The following MAP2K1 variants were observed in gnomAD, a reference collection of about 807,000 sequenced individuals.
MAP2K1 encodes the protein mitogen-activated protein kinase kinase 1.
MAP2K1 carries 16 observed loss-of-function variants against 46.3 expected under a neutral mutation model. The ratio of observed to expected loss-of-function variants is 0.35; its 90% CI spans 0.23 to 0.52. The LOEUF (loss-of-function observed/expected upper bound fraction) is 0.52. Ranked by LOEUF, MAP2K1 falls within the 20% of genes least tolerant of loss-of-function variation. The pLI is 0.94. For synonymous variants in MAP2K1, 183 were observed against 185.6 expected, an observed-to-expected ratio of 0.99 and a Z score of 0.11; for missense variants, 263 against 497.1, an observed-to-expected ratio of 0.53 and a Z score of 4.48.
At chr15:66,410,202 A>G (rs1166415084) in intron 1 of MAP2K1, among the ~76,000 whole-genome samples, 1 of 152,242 alleles carries the variant, frequency 6.6e-6, no homozygotes, top group Non-Finnish European at 1.5e-5. Flanking sequence ...GGGAGAGTCT[A>G]TGGCATGTTC....
At chr15:66,470,703 G>A (rs905255237) in intron 5 of MAP2K1, among the ~76,000 whole-genome samples, 1 of 152,156 alleles carries the variant, frequency 6.6e-6, no homozygotes, top group African/African-American at 2.4e-5. Context: ...ACCAATAGGA[G>A]ATTTGTCAAA....
intron 1 of MAP2K1, among the ~76,000 whole-genome samples, chr15:66,388,025 G>C (rs2093346634): frequency 6.6e-6 from 1 of 152,220 alleles, no homozygotes; most frequent in African/African-American, 2.4e-5. Flanking sequence ...AATTGCTCAA[G>C]AAAGCGGCTT....
chr15:66,454,442 AATAC>A (rs1892112725), intron 5 of MAP2K1, among the ~76,000 whole-genome samples: 2 of 152,358 alleles, frequency 1.3e-5, no homozygotes, highest in Non-Finnish European at 2.9e-5. Context: ...CAGATTAATT[AATAC>A]ATACAAAGCA....
At chr15:66,420,849 ATATATGTG>A (rs2093438855) in intron 1 of MAP2K1, among the ~76,000 whole-genome samples, 1 of 125,592 alleles carries the variant, frequency 8.0e-6, no homozygotes, top group Non-Finnish European at 1.8e-5. Flanking sequence ...ATGTGTGTAT[ATATATGTG>A]TGTATATATA....
chr15:66,389,564 CTGT>C (rs959339925), intron 1 of MAP2K1, among the ~76,000 whole-genome samples: 2 of 139,740 alleles, frequency 1.4e-5, no homozygotes, highest in African/African-American at 5.3e-5. Context: ...AAGCCTAGCT[CTGT>C]TGTGGTTTTT....
At chr15:66,412,286 G>A (rs1363478040) in intron 1 of MAP2K1, among the ~76,000 whole-genome samples, 1 of 152,224 alleles carries the variant, frequency 6.6e-6, no homozygotes, top group South Asian at 2.1e-4. Context: ...CTGTGGGCTG[G>A]TAGACAGAAT....
intron 5 of MAP2K1, chr15:66,446,714 G>A: frequency 2.8e-6 from 1 of 363,418 alleles, no homozygotes; most frequent in Non-Finnish European, 5.8e-6. Context: ...AGAACTGCCT[G>A]CTCCCATTGG....
rs2140688749 is a variant in MAP2K1 at position 66,491,017 on chromosome 15, CTT to C, written c.*404_*405del. 2.4e-6 allele frequency: 1 copy of C among 423,072 alleles called. No homozygotes were observed. Among genetic ancestry groups the C allele is most frequent in the Non-Finnish European group, 4.4e-6 (1 of 226,900 alleles). The allele number at this position is 423,072 out of a possible 1,614,324, so 26.2% of individuals were successfully genotyped here. A position where few individuals can be genotyped will look rare whatever the true frequency, so the allele number is the denominator to read the frequency against. Reference sequence around the variant, plus strand: ...TGGTACTTTATTCTTGCTGGGCATACTTTCTCTCTAGGAGGGAGCCTTGTGAG... The same window carrying C: ...TGGTACTTTATTCTTGCTGGGCATACTCTCTCTAGGAGGGAGCCTTGTGAG... On this transcript the variant is annotated 3_prime_UTR_variant, in exon 11 of 11. Transcript: ENST00000307102.
intron 3 of MAP2K1, among the ~76,000 whole-genome samples, chr15:66,440,917 G>T (rs1345297609): frequency 6.6e-6 from 1 of 152,096 alleles, no homozygotes. Flanking sequence ...TTGAAGCTCT[G>T]TGGAGGTTAA....
intron 1 of MAP2K1, among the ~76,000 whole-genome samples, chr15:66,418,506 A>G (rs1436889515): frequency 6.6e-6 from 1 of 152,120 alleles, no homozygotes; most frequent in African/African-American, 2.4e-5. Flanking sequence ...GATAAAAGAT[A>G]TTTTTCTATA....
chr15:66,390,328 G>A (rs900041677), intron 1 of MAP2K1, among the ~76,000 whole-genome samples: 9 of 152,104 alleles, frequency 5.9e-5, no homozygotes, highest in Non-Finnish European at 1.0e-4. Context: ...CCCTATCTTG[G>A]GCTACCAGCA....
At chr15:66,407,420 C>T (rs978538343) in intron 1 of MAP2K1, among the ~76,000 whole-genome samples, 1 of 152,106 alleles carries the variant, frequency 6.6e-6, no homozygotes, top group Non-Finnish European at 1.5e-5. Context: ...AATAACAGTC[C>T]CTTGTGTAGA....
chr15:66,421,255 C>T (rs546571770), intron 1 of MAP2K1, among the ~76,000 whole-genome samples: 3 of 151,944 alleles, frequency 2.0e-5, no homozygotes, highest in African/African-American at 7.2e-5. Context: ...TCTGCCTTGG[C>T]CCCCCAAGTA....
chr15:66,489,507 G>C lies in MAP2K1; in HGVS notation c.1023-211G>C. The C allele has an allele frequency of 4.5e-6, 3 of 667,992 alleles. No homozygotes were observed. The South Asian group carries it at 5.2e-5, about 12-fold the overall frequency. The allele number at this position is 667,992 out of a possible 1,614,324, so 41.4% of individuals were successfully genotyped here. On this transcript the variant is annotated intron_variant, in intron 9 of 10. Transcript: ENST00000307102. ...TGCTCCTTTTGGTACTTGCTCTCCA[G>C]GGATTGGCACGTTGCTTTTTGACCT... is the stretch of plus-strand genomic sequence containing the variant.
At chr15:66,440,156 A>G (rs1479523813) in intron 3 of MAP2K1, among the ~76,000 whole-genome samples, 1 of 151,916 alleles carries the variant, frequency 6.6e-6, no homozygotes, top group Admixed American at 6.6e-5. Context: ...CAGTGGTGCA[A>G]TCTCAGCTCA....
chr15:66,395,198 A>G (rs1399833972), intron 1 of MAP2K1, among the ~76,000 whole-genome samples: 3 of 152,230 alleles, frequency 2.0e-5, no homozygotes, highest in African/African-American at 7.2e-5. Flanking sequence ...CCTATGCAGT[A>G]TATGCCTATG....
At chr15:66,471,184 T>C (rs569502872) in intron 5 of MAP2K1, among the ~76,000 whole-genome samples, 29 of 152,302 alleles carry the variant, frequency 1.9e-4, no homozygotes, top group Non-Finnish European at 3.2e-4. Flanking sequence ...GGCCCCAAGA[T>C]TTATTTTCCT....
chr15:66,437,411 A>C (rs1047583601), intron 3 of MAP2K1, among the ~76,000 whole-genome samples: 7 of 152,146 alleles, frequency 4.6e-5, no homozygotes, highest in African/African-American at 1.7e-4. Flanking sequence ...TTTTACCACT[A>C]TGTTCTTGGA....
At chr15:66,459,405 T>A (rs915576752) in intron 5 of MAP2K1, among the ~76,000 whole-genome samples, 2 of 151,168 alleles carry the variant, frequency 1.3e-5, no homozygotes, top group East Asian at 1.9e-4. Flanking sequence ...TCACTTGAGG[T>A]CAGGAGTTCG....
Sources: allele counts gnomAD v4.1 joint callset (sites outside exome capture counted in the v4.1 genomes callset), GRCh38; gene constraint gnomAD v4.1.1; transcripts MANE v1.5; gene names NCBI Gene and HGNC (gene_info 2026-07-23, HGNC 2026-07-21).